Variants in ZFHX3 observed in about 807,000 individuals in gnomAD.
The protein encoded by ZFHX3 is zinc finger homeobox 3, also known as zinc finger homeobox protein 3.
In ZFHX3, 42 loss-of-function variants were observed where a neutral mutation model predicts 279.1. The ratio of observed to expected loss-of-function variants is 0.15; its 90% CI spans 0.12 to 0.19. ZFHX3 has a LOEUF of 0.19. Among genes scored for constraint, ZFHX3 ranks in the 10% least tolerant of loss-of-function variants. The pLI, the probability that ZFHX3 is intolerant of heterozygous loss-of-function variation, is 1.00. For missense variants in ZFHX3, 4,981 were observed against 4,754.0 expected (o/e 1.05, Z -1.40); for synonymous variants, 2,293 against 1,957.8 (o/e 1.17, Z -4.52).
chr16:73,194,774 T>C (rs1238148686), intron 5 of ZFHX3, among the ~76,000 whole-genome samples: 2 of 152,200 alleles, frequency 1.3e-5, no homozygotes, highest in African/African-American at 4.8e-5. Context: ...TTTGCCTCTA[T>C]TTCCATGGCA....
At chr16:73,386,292 C>T (rs2016901781) in intron 3 of ZFHX3, among the ~76,000 whole-genome samples, 1 of 151,976 alleles carries the variant, frequency 6.6e-6, no homozygotes, top group Admixed American at 6.6e-5. Flanking sequence ...ATTAAAAAAC[C>T]CACAGGACTC....
intron 1 of ZFHX3, among the ~76,000 whole-genome samples, chr16:73,766,378 C>T (rs1227132134): frequency 1.3e-5 from 2 of 152,150 alleles, no homozygotes; most frequent in East Asian, 1.9e-4. Context: ...ACTGCCTATA[C>T]ATCTCTCTTG....
In ZFHX3 at chr16:72,958,297, C is replaced by A. The variant is rs111320371; in HGVS notation, c.1849G>T (p.Val617Phe). The A allele has an allele frequency of 6.2e-7, 1 of 1,613,902 alleles. No individual in the cohort carries two copies. Among genetic ancestry groups the A allele is most frequent in the Non-Finnish European group, 8.5e-7 (1 of 1,179,890 alleles). The change falls in exon 2 of 10, where the codon GTT (valine) becomes TTT (phenylalanine). Residue 617 changes from valine to phenylalanine, a missense_variant. Around this residue, in one of 7 missense-constraint regions of ZFHX3, gnomAD observed 1,068 missense variants for 935.2 expected, o/e 1.14. Transcript: ENST00000268489. ...ESTEGDDGGF[V>F]PHHQHAGSLC... is the part of the protein sequence containing the mutation. ...GAGCCAGCGTGCTGGTGATGGGGAA[C>A]GAAGCCCCCATCGTCACCCTCTGTG...
At chr16:73,594,063 A>G (rs1191668206) in intron 2 of ZFHX3, among the ~76,000 whole-genome samples, 1 of 152,200 alleles carries the variant, frequency 6.6e-6, no homozygotes, top group Non-Finnish European at 1.5e-5. Context: ...GTGAAAGGTA[A>G]AAATGATTGA....
At chr16:73,322,336 A>G (rs2015592188) in intron 3 of ZFHX3, among the ~76,000 whole-genome samples, 1 of 152,020 alleles carries the variant, frequency 6.6e-6, no homozygotes, top group African/African-American at 2.4e-5. Flanking sequence ...CGAGGCAGCT[A>G]GGTTTAAAGA....
At chr16:73,756,222 C>T (rs1236185539) in intron 1 of ZFHX3, among the ~76,000 whole-genome samples, 2 of 152,210 alleles carry the variant, frequency 1.3e-5, no homozygotes, top group East Asian at 1.9e-4. Flanking sequence ...CTCTCTCTTT[C>T]TCTTTCCCTC....
chr16:73,225,977 T>A (rs1459009355), intron 5 of ZFHX3, among the ~76,000 whole-genome samples: 1 of 152,216 alleles, frequency 6.6e-6, no homozygotes, highest in Admixed American at 6.5e-5. Context: ...GAAGCTGAGA[T>A]GTATCCTTCC....
At chr16:73,805,856 T>C (rs1218093000) in intron 1 of ZFHX3, among the ~76,000 whole-genome samples, 2 of 152,220 alleles carry the variant, frequency 1.3e-5, no homozygotes, top group Non-Finnish European at 2.9e-5. Flanking sequence ...CAGGTGGTCA[T>C]AGAAGGCCTC....
At chr16:73,809,268 A>G (rs1460387698) in intron 1 of ZFHX3, 2 of 152,202 alleles carry the variant, frequency 1.3e-5, no homozygotes, top group African/African-American at 4.8e-5. Flanking sequence ...CTGTAATGCA[A>G]GTCAGCTGCA....
chr16:73,207,326 T>C lies in ZFHX3; in HGVS notation c.-1104+49721A>G, dbSNP rs866646622. 1.9e-4 allele frequency among the ~76,000 whole-genome samples: 29 copies of C among 152,312 alleles called. 1 individual carries two copies. Among genetic ancestry groups the C allele is most frequent in the Admixed American group, 5.2e-4 (8 of 15,302 alleles). On this transcript the variant is annotated intron_variant, in intron 5 of 17. Transcript: ENST00000641206. The stretch of plus-strand genomic sequence containing the variant: ...TTACTGCTCTTTTATGAAGTAAACG[T>C]TGTTCACTTTCCTCTTAAATTACAG...
At chr16:73,229,816 T>C (rs1303464641) in intron 5 of ZFHX3, among the ~76,000 whole-genome samples, 1 of 152,230 alleles carries the variant, frequency 6.6e-6, no homozygotes, top group Non-Finnish European at 1.5e-5. Flanking sequence ...ATAGTCTTTA[T>C]AGACTTCATT....
chr16:73,182,906 G>C (rs1967829157), intron 5 of ZFHX3, among the ~76,000 whole-genome samples: 1 of 151,180 alleles, frequency 6.6e-6, no homozygotes, highest in Non-Finnish European at 1.5e-5. Flanking sequence ...GGGGAGGGGT[G>C]AAAAATTACC....
intron 1 of ZFHX3, among the ~76,000 whole-genome samples, chr16:73,847,904 G>GTTT (rs60189791): frequency 8.7e-5 from 7 of 80,054 alleles, no homozygotes; most frequent in African/African-American, 2.9e-4. Flanking sequence ...TGCCTGGCTA[G>GTTT]TTTTTTTTTT....
chr16:73,688,757 T>C (rs573353501), intron 1 of ZFHX3, among the ~76,000 whole-genome samples: 1 of 152,304 alleles, frequency 6.6e-6, no homozygotes, highest in African/African-American at 2.4e-5. Context: ...CCACATGTTG[T>C]GGGAGGGACC....
chr16:73,167,766 T>C (rs1967407091), intron 5 of ZFHX3, among the ~76,000 whole-genome samples: 1 of 152,158 alleles, frequency 6.6e-6, no homozygotes, highest in Non-Finnish European at 1.5e-5. Context: ...TGCAGAAAAT[T>C]CTCTTGAATA....
chr16:73,392,878 A>C (rs1047312214), intron 3 of ZFHX3, among the ~76,000 whole-genome samples: 3 of 152,188 alleles, frequency 2.0e-5, no homozygotes, highest in African/African-American at 7.2e-5. Flanking sequence ...TCTGTTGCCC[A>C]GGCTGGAGTG....
intron 4 of ZFHX3, among the ~76,000 whole-genome samples, chr16:72,869,600 C>T (rs6499590): frequency 0.57 from 86,906 of 151,844 alleles, 25,131 homozygotes; most frequent in Middle Eastern, 0.6. Context: ...CCCAGTCTTT[C>T]TAAAGTTCTG....
chr16:72,832,599 A>AATG (rs1199845610), intron 4 of ZFHX3, among the ~76,000 whole-genome samples: 1 of 152,250 alleles, frequency 6.6e-6, no homozygotes. Flanking sequence ...TAGAAGAAGA[A>AATG]ATGATTACGA....
chr16:73,887,013 A>G (rs947847032), intron 1 of ZFHX3, among the ~76,000 whole-genome samples: 2 of 152,162 alleles, frequency 1.3e-5, no homozygotes, highest in Non-Finnish European at 2.9e-5. Flanking sequence ...AGGAATGCAA[A>G]AAGATCCACC....
Sources: allele counts gnomAD v4.1 joint callset (sites outside exome capture counted in the v4.1 genomes callset), GRCh38; gene constraint gnomAD v4.1.1; regional missense constraint gnomAD v4.1.1; transcripts MANE v1.5; gene names NCBI Gene and HGNC (gene_info 2026-07-23, HGNC 2026-07-21).